FRRS1: variants seen among roughly 807,000 people sequenced by gnomAD.
The protein encoded by FRRS1 is ferric reductase 1.
FRRS1 carries 51 observed loss-of-function variants against 70.7 expected under a neutral mutation model. The observed-to-expected ratio is 0.72, with a 90% CI of 0.58 to 0.91. The LOEUF is 0.91. Among genes scored for constraint, FRRS1 ranks in the 40% least tolerant of loss-of-function variants. FRRS1 has a pLI of 0.00. For missense variants in FRRS1, 672 were observed against 726.0 expected (o/e 0.93, Z 0.86); for synonymous variants, 225 against 238.7 (o/e 0.94, Z 0.53).
intron 12 of FRRS1, among the ~76,000 whole-genome samples, chr1:99,713,137 T>G (rs961205859): frequency 2.0e-5 from 3 of 152,234 alleles, no homozygotes; most frequent in Non-Finnish European, 4.4e-5. Flanking sequence ...CTAAGTACTT[T>G]CAGTTATTTT....
chr1:99,731,625 A>G (rs1655393637), intron 7 of FRRS1, among the ~76,000 whole-genome samples: 1 of 152,240 alleles, frequency 6.6e-6, no homozygotes, highest in African/African-American at 2.4e-5. Flanking sequence ...AGAATGTTTC[A>G]TGACAAATGA....
At chr1:99,742,358 A>G in intron 4 of FRRS1, 85 bp from the exon 5 acceptor site, 1 of 815,716 alleles carries the variant, frequency 1.2e-6, no homozygotes, top group South Asian at 1.4e-5. Flanking sequence ...GAAGTAATTT[A>G]TCATTGCATG....
rs182395357 is a variant in FRRS1 at position 99,737,868 on chromosome 1, G to T, written c.759+218C>A. Among the ~76,000 whole-genome samples, 524 of 151,936 alleles carry T rather than the reference G, an allele frequency of 3.4e-3. 2 individuals are homozygous for T. The highest frequency in any genetic ancestry group is 0.012 in the African/African-American group (493 of 41,426). ...AGTGATTCTCCTGCCTCAGCCTCCC[G>T]TGCAGCCGGGATTACAAGCGCCCGC... On this transcript the variant is annotated intron_variant, in intron 7 of 16. Transcript: ENST00000646001.
At chr1:99,710,730 C>A in intron 15 of FRRS1, 76 bp downstream of exon 15, 1 of 1,297,680 alleles carries the variant, frequency 7.7e-7, no homozygotes, top group Non-Finnish European at 1.1e-6. Context: ...TCAGCCATTA[C>A]TATCGGGAAG....
chr1:99,724,327 T>C (rs967962664), intron 9 of FRRS1, among the ~76,000 whole-genome samples: 6 of 152,240 alleles, frequency 3.9e-5, no homozygotes, highest in African/African-American at 1.4e-4. Flanking sequence ...TCTACTTCAT[T>C]AATTATTAAA....
chr1:99,765,110 A>G lies in FRRS1; in HGVS notation c.-106+1497T>C, dbSNP rs868564221. ...AGAAAATCCAATATTAAAAAAGCTG[A>G]CAGGTGTGAAACAGAGAGTACACTT... On this transcript the variant is annotated intron_variant, in intron 1 of 16. Transcript: ENST00000646001. Among the ~76,000 whole-genome samples, 3 of 152,242 alleles carry G rather than the reference A, an allele frequency of 2.0e-5. No individual in the cohort carries two copies. In the South Asian group the frequency reaches 6.2e-4, roughly 32 times the overall value.
chr1:99,743,588 CACAA>C (rs1048497893), intron 4 of FRRS1, among the ~76,000 whole-genome samples: 10 of 152,194 alleles, frequency 6.6e-5, no homozygotes, highest in African/African-American at 2.4e-4. Context: ...AACATACATA[CACAA>C]ACAGACCACA....
chr1:99,736,128 A>G lies in FRRS1; in HGVS notation c.759+1958T>C, dbSNP rs78339851. ...TACCACCACCTATCATTATTGCTTT[A>G]TAGTCACATTTTATTTTCAACTCAA... On this transcript the variant is annotated intron_variant, in intron 7 of 16. Transcript: ENST00000646001. 4.8e-3 allele frequency among the ~76,000 whole-genome samples: 724 copies of G among 152,300 alleles called. 8 individuals carry two copies. Among genetic ancestry groups the G allele is most frequent in the African/African-American group, 0.017 (691 of 41,566 alleles).
At chr1:99,744,140 C>T (rs945751707) in intron 4 of FRRS1, among the ~76,000 whole-genome samples, 13 of 151,364 alleles carry the variant, frequency 8.6e-5, no homozygotes, top group Non-Finnish European at 1.8e-4. Context: ...GATGCAAAAA[C>T]CTCACATTTT....
At chr1:99,761,367 A>G (rs562932110) in intron 1 of FRRS1, among the ~76,000 whole-genome samples, 37 of 152,180 alleles carry the variant, frequency 2.4e-4, no homozygotes, top group African/African-American at 8.2e-4. Context: ...AGCTCAACCA[A>G]TCCTCCCGCT....
chr1:99,719,700 T>C (rs1258801098), intron 9 of FRRS1, 53 bp from the exon 10 acceptor site: 13 of 994,536 alleles, frequency 1.3e-5, no homozygotes, highest in Non-Finnish European at 2.1e-5. Flanking sequence ...CTTCCTCAAA[T>C]AAAAAAGGAA....
intron 1 of FRRS1, among the ~76,000 whole-genome samples, chr1:99,754,532 A>G (rs887000326): frequency 2.0e-5 from 3 of 152,090 alleles, no homozygotes; most frequent in African/African-American, 4.8e-5. Flanking sequence ...AGAGAAATGC[A>G]CAGATCCAGA....
intron 8 of FRRS1, 67 bp downstream of exon 8, chr1:99,729,583 G>A (rs1049837616): frequency 1.2e-5 from 12 of 972,206 alleles, no homozygotes; most frequent in African/African-American, 6.4e-5. Flanking sequence ...GCACAGCCAC[G>A]CCAGTGATAG....
rs145219159 is a variant in FRRS1 at position 99,752,027 on chromosome 1, C to T, written c.-105-3026G>A. Among the ~76,000 whole-genome samples the T allele has an allele frequency of 2.5e-3, 375 of 152,266 alleles. 3 individuals carry two copies. The highest frequency in any genetic ancestry group is 8.8e-3 in the African/African-American group (366 of 41,552). On this transcript the variant is annotated intron_variant, in intron 1 of 16. Coordinates refer to ENST00000646001, the MANE Select transcript of FRRS1 (RefSeq NM_001361041.2). ...CAGGGACCTCTCTCTTAGGGACCTA[C>T]CTCTCTCAGCCTTCATAGAATTAAA...
At chr1:99,751,429 TG>T (rs1557705518) in intron 1 of FRRS1, among the ~76,000 whole-genome samples, 1 of 152,056 alleles carries the variant, frequency 6.6e-6, no homozygotes, top group Non-Finnish European at 1.5e-5. Context: ...TATTTTAATC[TG>T]TAACTGTGGA....
At position 99,744,246 on chromosome 1, in the gene FRRS1, C is replaced by A. The variant is rs1439580141; in HGVS notation, c.334-1973G>T. Among the ~76,000 whole-genome samples the A allele has an allele frequency of 2.6e-5, 4 of 151,958 alleles. No homozygotes were observed. The East Asian group carries it at 7.7e-4, about 29-fold the overall frequency. On this transcript the variant is annotated intron_variant, in intron 4 of 16. Coordinates refer to ENST00000646001, the MANE Select transcript of FRRS1 (RefSeq NM_001361041.2). The stretch of plus-strand genomic sequence containing the variant: ...GGGATACTTATAGACTAATATTATT[C>A]AAGAAAAAGCAAAGTCATTATATGA...
chr1:99,716,340 T>C (rs544622590), intron 11 of FRRS1, among the ~76,000 whole-genome samples: 2 of 152,128 alleles, frequency 1.3e-5, no homozygotes, highest in Non-Finnish European at 2.9e-5. Context: ...ATGACATGTA[T>C]GTACACACAT....
At chr1:99,740,702 C>A in intron 6 of FRRS1, 91 bp downstream of exon 6, 1 of 853,728 alleles carries the variant, frequency 1.2e-6, no homozygotes, top group South Asian at 1.5e-5. Context: ...GACTCCAAGG[C>A]AGGAGGATCA....
chr1:99,750,913 A>G (rs1289251797), intron 1 of FRRS1, among the ~76,000 whole-genome samples: 3 of 152,210 alleles, frequency 2.0e-5, no homozygotes, highest in Admixed American at 1.3e-4. Context: ...TGGTTAATTT[A>G]TATGTCAACT....
Sources: allele counts gnomAD v4.1 joint callset (sites outside exome capture counted in the v4.1 genomes callset), GRCh38; gene constraint gnomAD v4.1.1; transcripts MANE v1.5; gene names NCBI Gene and HGNC (gene_info 2026-07-23, HGNC 2026-07-21).